DOCK3: variants seen among roughly 807,000 people sequenced by gnomAD.
DOCK3 encodes the protein dedicator of cytokinesis 3, also known as dedicator of cytokinesis protein 3.
Under a neutral mutation model 265.6 loss-of-function variants are expected in DOCK3, and 60 were observed. That is an observed-to-expected ratio of 0.23 (90% confidence interval 0.18 to 0.28). The LOEUF (loss-of-function observed/expected upper bound fraction) is 0.28, where lower values mean the gene tolerates loss of function less well. DOCK3 is among the 10% of genes least tolerant of loss of function. The pLI is 1.00. For missense variants in DOCK3, 1,981 were observed against 2,594.3 expected (o/e 0.76, Z 5.14); for synonymous variants, 881 against 938.0 (o/e 0.94, Z 1.11).
intron 9 of DOCK3, among the ~76,000 whole-genome samples, chr3:51,095,875 A>AAAAG (rs2082831337): frequency 7.1e-6 from 1 of 141,676 alleles, no homozygotes; most frequent in African/African-American, 2.6e-5. Flanking sequence ...AAAAAAAAAA[A>AAAAG]AGAATGTTGA....
At chr3:51,354,621 C>G (rs1576913512) in intron 40 of DOCK3, among the ~76,000 whole-genome samples, 1 of 152,314 alleles carries the variant, frequency 6.6e-6, no homozygotes. Flanking sequence ...CCACCTTGCT[C>G]TCTTTCCTGC....
chr3:51,248,898 G>A (rs1483277671), intron 22 of DOCK3, among the ~76,000 whole-genome samples: 92 of 140,752 alleles, frequency 6.5e-4, no homozygotes, highest in African/African-American at 1.1e-3. Flanking sequence ...CCGTCTGGGA[G>A]GTGAGGAGCG....
intron 5 of DOCK3, among the ~76,000 whole-genome samples, chr3:50,946,094 TAAA>T (rs35670695): frequency 6.5e-5 from 6 of 91,726 alleles, no homozygotes; most frequent in African/African-American, 2.0e-4. Context: ...CCCCATCTCT[TAAA>T]AAAAAAAAAA....
At chr3:50,774,185 G>A (rs1419412704) in intron 1 of DOCK3, among the ~76,000 whole-genome samples, 4 of 151,876 alleles carry the variant, frequency 2.6e-5, no homozygotes, top group African/African-American at 9.7e-5. Context: ...CTTGATATCA[G>A]TATATATTCA....
rs751113149 is a variant in DOCK3, at chr3:51,374,496, G to T, written c.5321G>T (p.Arg1774Leu). The change falls in exon 50 of 53, where the codon CGC becomes CTC. Residue 1774 changes from arginine to leucine, a missense_variant. Arg to Leu is a moderately radical substitution (Grantham distance 102). This residue lies in a region of DOCK3 where 1,357 missense variants were observed against 1,866.8 expected (regional missense o/e 0.73). Coordinates refer to ENST00000266037, the MANE Select transcript of DOCK3 (RefSeq NM_004947.5). The surrounding 1 kb of genome is among the most constrained non-coding windows in gnomAD (Gnocchi z 4.8). ...TCTCCCTCTCTGCCAGATAAGTACC[G>T]CCATGCCCGTGAAATGATGTTGTTG... ...RGSPSLPDKY[R>L]HAREMMLLLP... is the part of the protein sequence containing the mutation. 1.2e-6 allele frequency: 2 copies of T among 1,613,568 alleles called. No homozygotes were observed. Among genetic ancestry groups the T allele is most frequent in the Non-Finnish European group, 8.5e-7 (1 of 1,179,752 alleles).
rs2086735932 is a variant in DOCK3 at position 51,361,603 on chromosome 3, C to CATGCTAATGT, written c.5007-256_5007-255insATGCTAATGT. ...CTGCTAATGTCATGCAACTGAGTGG[C>CATGCTAATGT]CATAAGCCATGTAGCTGTAGGTAGA... On this transcript the variant is annotated intron_variant, in intron 47 of 52. Transcript: ENST00000266037. This position sits in a 1 kb window ranked among gnomAD's most constrained non-coding sequence, Gnocchi z 4.2. Among the ~76,000 whole-genome samples, 1 of 152,118 alleles carries CATGCTAATGT rather than the reference C, an allele frequency of 6.6e-6. No homozygotes were observed. Among genetic ancestry groups the CATGCTAATGT allele is most frequent in the Non-Finnish European group, 1.5e-5 (1 of 68,006 alleles).
intron 4 of DOCK3, among the ~76,000 whole-genome samples, chr3:50,896,240 C>G (rs1390636616): frequency 6.6e-6 from 1 of 152,204 alleles, no homozygotes; most frequent in Non-Finnish European, 1.5e-5. Context: ...TTGTATTTCT[C>G]TAATGATCAG....
chr3:50,727,666 C>T (rs2108081102), intron 1 of DOCK3, among the ~76,000 whole-genome samples: 1 of 152,196 alleles, frequency 6.6e-6, no homozygotes, highest in South Asian at 2.1e-4. Context: ...CCACTGCACT[C>T]CAGCCAGGGT....
chr3:50,675,300 G>A lies in DOCK3; in HGVS notation c.37G>A (p.Val13Met). 7.9e-7 allele frequency: 1 copy of A among 1,272,826 alleles called. No individual in the cohort carries two copies. Among genetic ancestry groups the A allele is most frequent in the Non-Finnish European group, 1.0e-6 (1 of 994,974 alleles). 78.8% of individuals were successfully genotyped at this position (1,272,826 alleles called of 1,614,324 possible). Reference sequence around the variant, plus strand: ...CACGGAGGAGGAGAAATACGGCGTAGGTAGGTGAGGCTCAGGCCTGGCCGT... The same window carrying A: ...CACGGAGGAGGAGAAATACGGCGTAAGTAGGTGAGGCTCAGGCCTGGCCGT... Reference protein sequence around the residue: ...TPTEEEKYGVVICSFRGSVPQ... With the variant: ...TPTEEEKYGVMICSFRGSVPQ... Residue 13 changes from valine (V) to methionine (M), a missense_variant and splice_region_variant, in exon 1 of 53, where the codon GTG becomes ATG. Around this residue, in one of 4 missense-constraint regions of DOCK3, gnomAD observed 456 missense variants for 539.0 expected, o/e 0.85. Transcript: ENST00000266037. This position sits in a 1 kb window ranked among gnomAD's most constrained non-coding sequence, Gnocchi z 6.1.
At chr3:50,964,795 A>G (rs1213318389) in intron 5 of DOCK3, among the ~76,000 whole-genome samples, 1 of 152,116 alleles carries the variant, frequency 6.6e-6, no homozygotes, top group Non-Finnish European at 1.5e-5. Context: ...GAAGAAACAA[A>G]AGAATATACA....
intron 2 of DOCK3, among the ~76,000 whole-genome samples, chr3:50,829,231 T>C (rs1295782296): frequency 1.3e-5 from 2 of 152,218 alleles, no homozygotes; most frequent in Non-Finnish European, 2.9e-5. Context: ...TTTAGGTTCA[T>C]GGGTGTTTTC....
At chr3:51,096,724 C>T (rs374373291) in intron 9 of DOCK3, among the ~76,000 whole-genome samples, 10 of 152,122 alleles carry the variant, frequency 6.6e-5, no homozygotes, top group African/African-American at 2.2e-4. Context: ...AGAGGCGTTC[C>T]GGTTTTTGGA....
chr3:51,130,979 A>T (rs1464871584), intron 9 of DOCK3, among the ~76,000 whole-genome samples: 1 of 152,092 alleles, frequency 6.6e-6, no homozygotes, highest in Non-Finnish European at 1.5e-5. Context: ...AACTGCTGGG[A>T]TTATAGGCAT....
chr3:51,059,795 G>A (rs984254571), intron 5 of DOCK3, among the ~76,000 whole-genome samples: 2 of 152,000 alleles, frequency 1.3e-5, no homozygotes, highest in African/African-American at 2.4e-5. Context: ...AGAATAGGTA[G>A]GTAACACAGA....
intron 22 of DOCK3, among the ~76,000 whole-genome samples, chr3:51,250,403 G>T (rs945880835): frequency 6.6e-6 from 1 of 152,120 alleles, no homozygotes; most frequent in Non-Finnish European, 1.5e-5. Context: ...CGGATCACCT[G>T]AGGTCAGGAG....
chr3:51,356,720 A>G (rs1451588603), intron 43 of DOCK3, among the ~76,000 whole-genome samples: 1 of 152,048 alleles, frequency 6.6e-6, no homozygotes, highest in African/African-American at 2.4e-5. Flanking sequence ...ATATGAGAAA[A>G]CTATTCTCTG....
At chr3:51,210,421 G>A (rs1307928008) in intron 13 of DOCK3, among the ~76,000 whole-genome samples, 2 of 152,234 alleles carry the variant, frequency 1.3e-5, no homozygotes, top group Non-Finnish European at 2.9e-5. Context: ...TCAGTAGGAG[G>A]AACAGGCTGC....
At chr3:51,228,933 A>G in intron 18 of DOCK3, 101 bp downstream of exon 18, 1 of 1,369,912 alleles carries the variant, frequency 7.3e-7, no homozygotes, top group South Asian at 1.5e-5. Flanking sequence ...TTCCTTCTTG[A>G]TGCCATAATA....
intron 2 of DOCK3, among the ~76,000 whole-genome samples, chr3:50,801,267 G>A (rs1046144523): frequency 4.6e-5 from 7 of 152,056 alleles, no homozygotes; most frequent in South Asian, 2.1e-4. Context: ...GGGTTAGGCC[G>A]CACAGGCTAA....
Sources: gnomAD v4.1 joint callset for allele counts (sites outside exome capture counted in the v4.1 genomes callset) on GRCh38, gnomAD v4.1.1 for gene constraint, gnomAD v4.1.1 regional missense constraint, Gnocchi (gnomAD v3.1) non-coding constraint, MANE v1.5 for transcripts, NCBI Gene and HGNC (gene_info 2026-07-23, HGNC 2026-07-21) for gene names.